Variants in CFAP299 observed in about 807,000 individuals in gnomAD.
CFAP299 encodes cilia- and flagella-associated protein 299.
Under a neutral mutation model 27.0 loss-of-function variants are expected in CFAP299, and 21 were observed. The observed-to-expected ratio is 0.78, with a 90% CI of 0.55 to 1.12. The LOEUF (loss-of-function observed/expected upper bound fraction) is 1.12, where lower values mean the gene tolerates loss of function less well. Ranked by LOEUF, CFAP299 falls within the 50% of genes most tolerant of loss-of-function variation. The pLI is 0.00. For missense variants in CFAP299, 310 were observed against 276.6 expected (o/e 1.12, Z -0.86); for synonymous variants, 104 against 98.1 (o/e 1.06, Z -0.36).
At chr4:80,335,040 A>T (rs1722069418), upstream of CFAP299, among the ~76,000 whole-genome samples, 2 of 152,234 alleles carry the variant, frequency 1.3e-5, no homozygotes, top group African/African-American at 4.8e-5. Context: ...TTTTAAAAAC[A>T]CAATACTGTT....
At chr4:80,733,662 C>T (rs1215325255) in intron 3 of CFAP299, among the ~76,000 whole-genome samples, 1 of 152,034 alleles carries the variant, frequency 6.6e-6, no homozygotes, top group Admixed American at 6.6e-5. Context: ...TCTCAATCTC[C>T]AGAACTTCAA....
Position 80,813,276 on chromosome 4 carries a change from C to G in CFAP299, c.334-56717C>G, listed in dbSNP as rs1054882112. Among the ~76,000 whole-genome samples, 3 of 151,856 alleles carry G rather than the reference C, an allele frequency of 2.0e-5. No homozygotes were observed. The East Asian group carries it at 5.8e-4, about 29-fold the overall frequency. On this transcript the variant is annotated intron_variant, in intron 3 of 5. Transcript: ENST00000358105. ...ATTAAATGTATAAGAAAAATTATCTCGAGCCTTTGGCACAGTAAATTTAGA... is the reference window on the plus strand; with the variant it reads ...ATTAAATGTATAAGAAAAATTATCTGGAGCCTTTGGCACAGTAAATTTAGA...
At chr4:80,632,868 G>T (rs1303024633) in intron 3 of CFAP299, among the ~76,000 whole-genome samples, 2 of 152,038 alleles carry the variant, frequency 1.3e-5, no homozygotes, top group Non-Finnish European at 2.9e-5. Flanking sequence ...GTAAAGGAAA[G>T]ACCTTGAAAA....
intron 4 of CFAP299, among the ~76,000 whole-genome samples, chr4:80,913,901 T>C (rs1735610618): frequency 1.3e-5 from 2 of 152,150 alleles, no homozygotes; most frequent in African/African-American, 2.4e-5. Flanking sequence ...TTTAGTACTA[T>C]AGAGTGACTT....
At chr4:80,824,839 A>G (rs773017509) in intron 3 of CFAP299, among the ~76,000 whole-genome samples, 1 of 152,108 alleles carries the variant, frequency 6.6e-6, no homozygotes, top group Non-Finnish European at 1.5e-5. Context: ...CATTAGTTTC[A>G]AATATCCAGT....
At chr4:80,716,728 A>G (rs116031804) in intron 3 of CFAP299, among the ~76,000 whole-genome samples, 3,187 of 152,206 alleles carry the variant, frequency 0.021, 81 homozygotes, top group South Asian at 0.063. Flanking sequence ...CGTGGTACAT[A>G]GGTACTTCTT....
intron 3 of CFAP299, among the ~76,000 whole-genome samples, chr4:80,734,546 C>T (rs1723743801): frequency 6.6e-6 from 1 of 152,066 alleles, no homozygotes; most frequent in South Asian, 2.1e-4. Flanking sequence ...TTGCCCAGAC[C>T]AATGTCTTGG....
At chr4:80,388,082 G>A (rs764719845) in intron 2 of CFAP299, 3 of 696,162 alleles carry the variant, frequency 4.3e-6, no homozygotes, top group Non-Finnish European at 7.9e-6. Context: ...GAGTGCAGCA[G>A]CACTGTACAC....
chr4:80,432,800 G>A (rs1278499496), intron 2 of CFAP299, among the ~76,000 whole-genome samples: 1 of 152,044 alleles, frequency 6.6e-6, no homozygotes, highest in Non-Finnish European at 1.5e-5. Flanking sequence ...GGGATTACAG[G>A]TGTGAGCCAC....
intron 3 of CFAP299, among the ~76,000 whole-genome samples, chr4:80,657,705 A>G (rs146893164): frequency 6.6e-6 from 1 of 152,302 alleles, no homozygotes; most frequent in East Asian, 1.9e-4. Flanking sequence ...TGTCTTTGCT[A>G]GATGGGCTCT....
intron 3 of CFAP299, among the ~76,000 whole-genome samples, chr4:80,829,087 C>T (rs1482615666): frequency 1.3e-5 from 2 of 151,662 alleles, no homozygotes; most frequent in Admixed American, 6.6e-5. Flanking sequence ...AATTGGGCCA[C>T]GAACATTAAA....
intron 2 of CFAP299, among the ~76,000 whole-genome samples, chr4:80,382,220 A>G (rs1724735876): frequency 6.6e-6 from 1 of 152,242 alleles, no homozygotes; most frequent in Non-Finnish European, 1.5e-5. Context: ...AAGACAACCT[A>G]GGCAATACCA....
intron 2 of CFAP299, among the ~76,000 whole-genome samples, chr4:80,454,020 A>G (rs1027014229): frequency 2.0e-5 from 3 of 152,044 alleles, no homozygotes; most frequent in African/African-American, 4.8e-5. Context: ...GTCCTTTACC[A>G]TCTCAGACCC....
At chr4:80,449,536 A>G (rs1428988322) in intron 2 of CFAP299, among the ~76,000 whole-genome samples, 1 of 151,844 alleles carries the variant, frequency 6.6e-6, no homozygotes, top group Non-Finnish European at 1.5e-5. Flanking sequence ...ATAGCTGGAC[A>G]ACACTTAACC....
intron 5 of CFAP299, among the ~76,000 whole-genome samples, chr4:80,952,189 G>T (rs1430430694): frequency 1.3e-5 from 2 of 152,274 alleles, no homozygotes; most frequent in East Asian, 1.9e-4. Context: ...ACCAGGGCTA[G>T]CTCCATGCCT....
chr4:80,548,069 C>T (rs572378371), intron 2 of CFAP299, among the ~76,000 whole-genome samples: 13 of 152,216 alleles, frequency 8.5e-5, no homozygotes, highest in South Asian at 4.1e-4. Flanking sequence ...AAAAGGCACA[C>T]GCCCTTGTGT....
chr4:80,610,965 C>T (rs777224386), intron 3 of CFAP299, among the ~76,000 whole-genome samples: 14 of 152,002 alleles, frequency 9.2e-5, no homozygotes, highest in South Asian at 2.1e-4. Flanking sequence ...TGCAAATAAA[C>T]GGGTTCCAAA....
chr4:80,763,007 G>T (rs186402812), intron 3 of CFAP299, among the ~76,000 whole-genome samples: 4 of 152,174 alleles, frequency 2.6e-5, no homozygotes, highest in Admixed American at 2.6e-4. Context: ...CTAACAAATG[G>T]CTTGAACACT....
chr4:80,612,592 T>A (rs1738048264), intron 3 of CFAP299, among the ~76,000 whole-genome samples: 1 of 152,128 alleles, frequency 6.6e-6, no homozygotes, highest in African/African-American at 2.4e-5. Flanking sequence ...ATAAAATGAT[T>A]TGAGAAGGTG....
Sources: allele counts gnomAD v4.1 joint callset (sites outside exome capture counted in the v4.1 genomes callset), GRCh38; gene constraint gnomAD v4.1.1; transcripts MANE v1.5; gene names NCBI Gene and HGNC (gene_info 2026-07-23, HGNC 2026-07-21).